Variants in CSMD1 observed in about 807,000 individuals in gnomAD.
CSMD1 encodes the protein CUB and Sushi multiple domains 1.
Under a neutral mutation model 417.5 loss-of-function variants are expected in CSMD1, and 213 were observed. The observed-to-expected ratio is 0.51, with a 90% CI of 0.46 to 0.57. CSMD1 has a LOEUF of 0.57. Among genes scored for constraint, CSMD1 ranks in the 20% least tolerant of loss-of-function variants. The pLI is 0.00. For synonymous variants in CSMD1, 2,862 were observed against 1,736.8 expected (o/e 1.65, Z -16.11); for missense variants, 6,923 against 4,529.7 (o/e 1.53, Z -15.17).
At position 4,763,732 on chromosome 8, in the gene CSMD1, G is replaced by A. The variant is rs116326358; in HGVS notation, c.86-126174C>T. ...TAAGCAGAAAATATGCAATGTACTG[G>A]TTCTGGAATACCATTTCAAGAGGCA... is the stretch of plus-strand genomic sequence containing the variant. On this transcript the variant is annotated intron_variant, in intron 1 of 69. Coordinates refer to ENST00000635120, the MANE Select transcript of CSMD1 (RefSeq NM_033225.6). Among the ~76,000 whole-genome samples, 429 of 152,234 alleles carry A rather than the reference G, an allele frequency of 2.8e-3. 4 individuals are homozygous for A. Among genetic ancestry groups the A allele is most frequent in the African/African-American group, 0.01 (416 of 41,540 alleles).
chr8:4,905,819 C>CAAAAAAAA (rs147276107), intron 1 of CSMD1, among the ~76,000 whole-genome samples: 14 of 94,258 alleles, frequency 1.5e-4, no homozygotes, highest in East Asian at 7.4e-4. Context: ...GACTCCATCT[C>CAAAAAAAA]AAAAAAAAAA....
chr8:4,852,616 T>C (rs925805952), intron 1 of CSMD1, among the ~76,000 whole-genome samples: 4 of 152,120 alleles, frequency 2.6e-5, no homozygotes, highest in Non-Finnish European at 2.9e-5. Flanking sequence ...ATAAAGATAC[T>C]TGAAAATATG....
At chr8:3,218,705 C>T (rs1798027149) in intron 29 of CSMD1, among the ~76,000 whole-genome samples, 1 of 151,860 alleles carries the variant, frequency 6.6e-6, no homozygotes, top group Non-Finnish European at 1.5e-5. Context: ...AACCCAGTCT[C>T]TACTAAAAAT....
intron 30 of CSMD1, among the ~76,000 whole-genome samples, chr8:3,206,593 C>A: frequency 1.4e-5 from 1 of 72,480 alleles, no homozygotes; most frequent in Non-Finnish European, 2.6e-5. Context: ...GTGTGGGGGG[C>A]GTATGTCTGT....
At chr8:3,690,217 G>A (rs1464770203) in intron 7 of CSMD1, among the ~76,000 whole-genome samples, 1 of 152,144 alleles carries the variant, frequency 6.6e-6, no homozygotes, top group Admixed American at 6.5e-5. Flanking sequence ...AAATTAGCCA[G>A]GCATGGTGGT....
At chr8:4,199,682 G>C (rs561827337) in intron 3 of CSMD1, among the ~76,000 whole-genome samples, 1 of 152,128 alleles carries the variant, frequency 6.6e-6, no homozygotes, top group Non-Finnish European at 1.5e-5. Flanking sequence ...AGGCAAGGCA[G>C]TCCAGATTTA....
chr8:4,532,483 T>A (rs539805536), intron 2 of CSMD1, among the ~76,000 whole-genome samples: 1 of 139,820 alleles, frequency 7.2e-6, no homozygotes, highest in East Asian at 2.2e-4. Context: ...TCACAGTCAC[T>A]CCGGAAGAGA....
chr8:3,240,733 G>A (rs1473175931), intron 26 of CSMD1, among the ~76,000 whole-genome samples: 1 of 152,106 alleles, frequency 6.6e-6, no homozygotes, highest in Non-Finnish European at 1.5e-5. Context: ...TGTGGAGGGA[G>A]GTATCGAGGT....
chr8:4,403,341 A>G (rs1276607641), intron 3 of CSMD1, among the ~76,000 whole-genome samples: 2 of 152,144 alleles, frequency 1.3e-5, no homozygotes, highest in Non-Finnish European at 2.9e-5. Context: ...ATTTTAGAAC[A>G]AAACTCCTTA....
At position 3,738,003 on chromosome 8, in the gene CSMD1, C is replaced by G. The variant is rs75244286; in HGVS notation, c.931+15927G>C. Among the ~76,000 whole-genome samples, 1,204 of 152,256 alleles carry G rather than the reference C, an allele frequency of 7.9e-3. 13 individuals carry two copies. The highest frequency in any genetic ancestry group is 0.034 in the Middle Eastern group (10 of 294). ...AATTGCAGAAGAATGCAGTGACAAACTAATGAAGTGAAAAGGGGCCATGTC... is the reference window on the plus strand; with the variant it reads ...AATTGCAGAAGAATGCAGTGACAAAGTAATGAAGTGAAAAGGGGCCATGTC... On this transcript the variant is annotated intron_variant, in intron 6 of 69. Coordinates refer to ENST00000635120, the MANE Select transcript of CSMD1 (RefSeq NM_033225.6).
chr8:4,748,200 A>C (rs1811077734), intron 1 of CSMD1, among the ~76,000 whole-genome samples: 1 of 152,206 alleles, frequency 6.6e-6, no homozygotes, highest in East Asian at 1.9e-4. Context: ...CATCATGCTC[A>C]AATTCCTTTC....
At chr8:3,838,684 ATAATATATAATAAAT>A (rs1802874366) in intron 5 of CSMD1, among the ~76,000 whole-genome samples, 1 of 68,166 alleles carries the variant, frequency 1.5e-5, no homozygotes, top group Non-Finnish European at 2.4e-5. Flanking sequence ...ATTATATAGT[ATAATATATAATAAAT>A]ATTATATAGT....
intron 3 of CSMD1, among the ~76,000 whole-genome samples, chr8:4,344,198 G>A (rs1005438570): frequency 2.6e-5 from 4 of 152,032 alleles, no homozygotes; most frequent in South Asian, 4.1e-4. Context: ...CTCTGTAACC[G>A]TCTCCATGGA....
chr8:3,414,796 C>G (rs900958878), intron 12 of CSMD1, among the ~76,000 whole-genome samples: 6 of 152,154 alleles, frequency 3.9e-5, no homozygotes, highest in African/African-American at 1.4e-4. Context: ...GCCTTCACAC[C>G]TGCTGTAAAT....
chr8:3,051,784 C>T (rs1022120279), intron 50 of CSMD1, among the ~76,000 whole-genome samples: 2 of 152,122 alleles, frequency 1.3e-5, no homozygotes, highest in Admixed American at 6.5e-5. Context: ...AATATACCTG[C>T]AATGAAAATC....
chr8:4,909,754 C>T (rs146652088), intron 1 of CSMD1, among the ~76,000 whole-genome samples: 2 of 152,140 alleles, frequency 1.3e-5, no homozygotes, highest in African/African-American at 4.8e-5. Flanking sequence ...TATATAGCTC[C>T]TATAGTCTCT....
At chr8:3,003,760 G>C (rs549737910) in intron 52 of CSMD1, among the ~76,000 whole-genome samples, 1 of 152,246 alleles carries the variant, frequency 6.6e-6, no homozygotes, top group South Asian at 2.1e-4. Flanking sequence ...GCCATGCTGA[G>C]GACCAGGACT....
chr8:3,413,470 C>T (rs1431417044), intron 12 of CSMD1, among the ~76,000 whole-genome samples: 3 of 152,180 alleles, frequency 2.0e-5, no homozygotes, highest in African/African-American at 7.2e-5. Context: ...GGACAAGTCC[C>T]TTATCAGGCA....
At chr8:3,982,264 G>C (rs1461504251) in intron 5 of CSMD1, among the ~76,000 whole-genome samples, 1 of 151,100 alleles carries the variant, frequency 6.6e-6, no homozygotes, top group Non-Finnish European at 1.5e-5. Context: ...AGAATGCTGG[G>C]ATTTAAATCC....
Sources: allele counts gnomAD v4.1 joint callset (sites outside exome capture counted in the v4.1 genomes callset), GRCh38; gene constraint gnomAD v4.1.1; transcripts MANE v1.5; gene names NCBI Gene and HGNC (gene_info 2026-07-23, HGNC 2026-07-21).